The following C8orf34 variants were observed in gnomAD, a reference collection of about 807,000 sequenced individuals.
C8orf34 encodes chromosome 8 open reading frame 34, also known as uncharacterized protein C8orf34.
A neutral mutation model predicts 68.3 loss-of-function variants in C8orf34; 65 were observed. That is an observed-to-expected ratio of 0.95 (90% CI 0.78 to 1.17). C8orf34 has a LOEUF of 1.17. C8orf34 is among the 50% of genes most tolerant of loss of function. The pLI, the probability that C8orf34 is intolerant of heterozygous loss-of-function variation, is 0.00. For synonymous variants in C8orf34, 244 were observed against 241.2 expected (o/e 1.01, Z -0.11); for missense variants, 664 against 655.4 (o/e 1.01, Z -0.14).
intron 7 of C8orf34, among the ~76,000 whole-genome samples, chr8:68,581,556 T>C (rs865935192): frequency 2.0e-5 from 3 of 152,126 alleles, no homozygotes; most frequent in African/African-American, 7.2e-5. Flanking sequence ...ACAAAAATTA[T>C]TGGAAAAGAT....
At chr8:68,356,989 G>A (rs1000674524) in intron 1 of C8orf34, among the ~76,000 whole-genome samples, 11 of 151,976 alleles carry the variant, frequency 7.2e-5, no homozygotes, top group Admixed American at 3.9e-4. Flanking sequence ...ATATCTATTC[G>A]TATGAAGTGA....
intron 13 of C8orf34, among the ~76,000 whole-genome samples, chr8:68,816,668 G>T (rs1371447556): frequency 6.6e-6 from 1 of 152,078 alleles, no homozygotes; most frequent in African/African-American, 2.4e-5. Context: ...ATTTTGCTCT[G>T]CTGTAATTGC....
At chr8:68,520,349 G>A (rs904007957) in intron 5 of C8orf34, among the ~76,000 whole-genome samples, 2 of 152,148 alleles carry the variant, frequency 1.3e-5, no homozygotes, top group Admixed American at 1.3e-4. Flanking sequence ...TACATTGTAT[G>A]TACTGTAAGA....
At chr8:68,558,797 C>T (rs1816333564) in intron 7 of C8orf34, among the ~76,000 whole-genome samples, 1 of 151,960 alleles carries the variant, frequency 6.6e-6, no homozygotes, top group African/African-American at 2.4e-5. Flanking sequence ...ATGCCCTGTA[C>T]TAGGAAAATA....
chr8:68,622,984 G>T (rs376958325), intron 7 of C8orf34, among the ~76,000 whole-genome samples: 1 of 152,204 alleles, frequency 6.6e-6, no homozygotes, highest in Non-Finnish European at 1.5e-5. Flanking sequence ...AGACCCTTGC[G>T]GAGCAAGTCT....
chr8:68,616,028 C>T (rs935882553), intron 7 of C8orf34, among the ~76,000 whole-genome samples: 10 of 150,824 alleles, frequency 6.6e-5, no homozygotes, highest in African/African-American at 9.8e-5. Context: ...GGAGGGTGTA[C>T]GTGTCGAGGA....
intron 7 of C8orf34, among the ~76,000 whole-genome samples, chr8:68,553,726 CCTCT>C (rs1284099537): frequency 1.3e-5 from 2 of 151,698 alleles, no homozygotes; most frequent in East Asian, 1.9e-4. Flanking sequence ...ATTTAAGCCT[CCTCT>C]CTCTCTCTTT....
intron 1 of C8orf34, among the ~76,000 whole-genome samples, chr8:68,383,044 TAGG>T (rs1808110368): frequency 6.6e-6 from 1 of 152,014 alleles, no homozygotes; most frequent in African/African-American, 2.4e-5. Flanking sequence ...TCTGCATATC[TAGG>T]AGGTTATATA....
chr8:68,335,358 TTATAA>T (rs1308105601), intron 1 of C8orf34, among the ~76,000 whole-genome samples: 2 of 152,246 alleles, frequency 1.3e-5, no homozygotes, highest in African/African-American at 4.8e-5. Flanking sequence ...AGCTTGGTAG[TTATAA>T]TATGTTCAAC....
intron 1 of C8orf34, among the ~76,000 whole-genome samples, chr8:68,420,242 A>G (rs1369113029): frequency 6.6e-6 from 1 of 151,710 alleles, no homozygotes; most frequent in Non-Finnish European, 1.5e-5. Flanking sequence ...GTCAGGAGTA[A>G]GGATACCAGC....
intron 8 of C8orf34, among the ~76,000 whole-genome samples, chr8:68,675,436 G>A (rs547168614): frequency 2.6e-5 from 4 of 152,204 alleles, no homozygotes; most frequent in East Asian, 1.9e-4. Context: ...AAGTTAAAAT[G>A]TAGAGCTTTT....
intron 7 of C8orf34, among the ~76,000 whole-genome samples, chr8:68,596,093 C>A (rs939531713): frequency 6.6e-6 from 1 of 152,034 alleles, no homozygotes; most frequent in South Asian, 2.1e-4. Context: ...TTTTATTGTA[C>A]TTTTGCCCCT....
intron 7 of C8orf34, among the ~76,000 whole-genome samples, chr8:68,536,358 C>CAAAAAAAAAAAAAAAAAA (rs10696903): frequency 1.8e-4 from 9 of 49,228 alleles, no homozygotes; most frequent in Admixed American, 3.0e-4. Context: ...GACCCTATCT[C>CAAAAAAAAAAAAAAAAAA]AAAAAAAAAA....
At chr8:68,700,742 C>T (rs956774853) in intron 8 of C8orf34, among the ~76,000 whole-genome samples, 1 of 151,940 alleles carries the variant, frequency 6.6e-6, no homozygotes, top group African/African-American at 2.4e-5. Context: ...TTTGAAAGTC[C>T]CCCATAAATT....
intron 7 of C8orf34, among the ~76,000 whole-genome samples, chr8:68,588,041 A>G (rs540986445): frequency 5.9e-5 from 9 of 152,180 alleles, no homozygotes; most frequent in Non-Finnish European, 1.2e-4. Context: ...AAGTCAAATT[A>G]TATTTATTCA....
At chr8:68,720,951 GA>G (rs1245810823) in intron 9 of C8orf34, among the ~76,000 whole-genome samples, 18 of 151,758 alleles carry the variant, frequency 1.2e-4, no homozygotes, top group Non-Finnish European at 7.4e-5. Context: ...CTAAAAGAGA[GA>G]GCACAAAATA....
At chr8:68,621,372 A>T (rs2130635606) in intron 7 of C8orf34, among the ~76,000 whole-genome samples, 1 of 152,374 alleles carries the variant, frequency 6.6e-6, no homozygotes, top group Admixed American at 6.5e-5. Flanking sequence ...TTTCCTACCC[A>T]AATGATGTTA....
chr8:68,662,973 T>C (rs898123166), intron 8 of C8orf34, among the ~76,000 whole-genome samples: 2 of 152,216 alleles, frequency 1.3e-5, no homozygotes, highest in East Asian at 3.9e-4. Context: ...AGTGTAAACA[T>C]AGGAGTTCTG....
rs1289555282 is a variant in C8orf34, at chr8:68,579,968, G to A, written c.1105+46819G>A. ...TCATTATACCTTATCTAAGCCATCC[G>A]GGCTCAGGTTATCAATTTTGTTCAC... On this transcript the variant is annotated intron_variant, in intron 7 of 13. Transcript: ENST00000518698. Among the ~76,000 whole-genome samples, 7 of 151,888 alleles carry A rather than the reference G, an allele frequency of 4.6e-5. No homozygotes were observed. In the East Asian group the frequency reaches 9.6e-4, roughly 21 times the overall value.
Sources: gnomAD v4.1 joint callset for allele counts (sites outside exome capture counted in the v4.1 genomes callset) on GRCh38, gnomAD v4.1.1 for gene constraint, MANE v1.5 for transcripts, NCBI Gene and HGNC (gene_info 2026-07-23, HGNC 2026-07-21) for gene names.